Variants in SKA2 observed in about 807,000 individuals in gnomAD.
The protein encoded by SKA2 is spindle and kinetochore-associated protein 2.
Under a neutral mutation model 16.9 loss-of-function variants are expected in SKA2, and 13 were observed. The ratio of observed to expected loss-of-function variants is 0.77; its 90% CI spans 0.50 to 1.22. The LOEUF is 1.22. Among genes scored for constraint, SKA2 ranks in the 50% most tolerant of loss-of-function variants. The probability of loss-of-function intolerance (pLI) is 0.00; values close to 1 mark genes in which losing one functional copy is unlikely to be tolerated. For missense variants in SKA2, 107 were observed against 139.7 expected (o/e 0.77, Z 1.18); for synonymous variants, 47 against 48.5 (o/e 0.97, Z 0.13).
intron 2 of SKA2, among the ~76,000 whole-genome samples, chr17:59,127,842 A>G (rs2046382300): frequency 6.6e-6 from 1 of 152,210 alleles, no homozygotes; most frequent in African/African-American, 2.4e-5. Context: ...ATGTCCACAC[A>G]ACAACTTGTA....
chr17:59,119,247 T>G lies in SKA2; in HGVS notation c.297+72A>C, dbSNP rs547567803. On this transcript the variant is annotated intron_variant, in intron 3 of 3. Transcript: ENST00000330137. ...GCTGAGTTTCAAAATTTAAGTTACATCAGGTTTATTTTTCAAAGCAACACT... is the reference window on the plus strand; with the variant it reads ...GCTGAGTTTCAAAATTTAAGTTACAGCAGGTTTATTTTTCAAAGCAACACT... The G allele has an allele frequency of 7.1e-4, 1,082 of 1,516,676 alleles. 1 individual carries two copies. Among genetic ancestry groups the G allele is most frequent in the Middle Eastern group, 1.9e-3 (11 of 5,760 alleles). 94.0% of individuals were successfully genotyped at this position (1,516,676 alleles called of 1,614,324 possible).
intron 2 of SKA2, among the ~76,000 whole-genome samples, chr17:59,129,838 G>C (rs62081887): frequency 7.3e-5 from 10 of 137,402 alleles, no homozygotes; most frequent in Non-Finnish European, 9.3e-5. Flanking sequence ...CTGGATAACA[G>C]AAGGAAGGGA....
chr17:59,119,496 C>T lies in SKA2; in HGVS notation c.121-1G>A. The T allele has an allele frequency of 6.2e-7, 1 of 1,610,696 alleles. No individual in the cohort carries two copies. The highest frequency in any genetic ancestry group is 2.2e-5 in the East Asian group (1 of 44,840). On this transcript the variant is annotated splice_acceptor_variant, in intron 2 of 3. Transcript: ENST00000330137. LOFTEE classifies it high-confidence loss of function. The stretch of plus-strand genomic sequence containing the variant: ...CCTTTAAGAGTGTAACTGGATTTTT[C>T]TATGTCAGGAAAAAAGTGAACATGT...
chr17:59,128,318 A>G (rs2046385525), intron 2 of SKA2, among the ~76,000 whole-genome samples: 1 of 151,806 alleles, frequency 6.6e-6, no homozygotes, highest in South Asian at 2.1e-4. Context: ...TACAACATGG[A>G]TGAAACTTAG....
intron 3 of SKA2, among the ~76,000 whole-genome samples, chr17:59,115,633 G>A (rs951814933): frequency 1.3e-5 from 2 of 151,948 alleles, no homozygotes; most frequent in South Asian, 2.1e-4. Flanking sequence ...TCGTTCCATC[G>A]CCCAGGCTGG....
Position 59,109,867 on chromosome 17 carries a change from G to C in SKA2, c.*2410C>G, listed in dbSNP as rs1231775871. 1 of 152,138 alleles carries C rather than the reference G, an allele frequency of 6.6e-6. No individual in the cohort carries two copies. The highest frequency in any genetic ancestry group is 2.4e-5 in the African/African-American group (1 of 41,430). 9.4% of individuals were successfully genotyped at this position (152,138 alleles called of 1,614,324 possible). ...ATAAAGACACTATAGTCACATAGGA[G>C]AAAACAATTATAATCCAAATGAGAA... On this transcript the variant is annotated 3_prime_UTR_variant, in exon 4 of 4. Coordinates refer to ENST00000330137, the MANE Select transcript of SKA2 (RefSeq NM_182620.4).
intron 1 of SKA2, among the ~76,000 whole-genome samples, chr17:59,147,067 A>G (rs1429081986): frequency 1.3e-5 from 2 of 152,034 alleles, no homozygotes; most frequent in East Asian, 3.8e-4. Context: ...CTGAGGCAGA[A>G]GAATCGCTTG....
chr17:59,134,343 A>G (rs973892968), intron 1 of SKA2, among the ~76,000 whole-genome samples: 2 of 152,148 alleles, frequency 1.3e-5, no homozygotes, highest in Non-Finnish European at 2.9e-5. Context: ...CTTAAGCACA[A>G]CTTTAAATAC....
At chr17:59,140,169 T>C (rs1249220689) in intron 1 of SKA2, among the ~76,000 whole-genome samples, 3 of 151,842 alleles carry the variant, frequency 2.0e-5, no homozygotes, top group Admixed American at 1.3e-4. Flanking sequence ...TTTCAGGCAA[T>C]TGGCAACCAG....
At chr17:59,154,985 G>A (rs1451066335) in intron 1 of SKA2, 146 bp downstream of exon 1, 1 of 1,613,838 alleles carries the variant, frequency 6.2e-7, no homozygotes, top group African/African-American at 1.3e-5. Flanking sequence ...AGACGGTGGC[G>A]GCTCCCTTTG....
intron 2 of SKA2, among the ~76,000 whole-genome samples, chr17:59,128,619 C>T (rs1443006772): frequency 6.3e-5 from 9 of 143,692 alleles, no homozygotes; most frequent in African/African-American, 1.6e-4. Flanking sequence ...GAGCGAGACT[C>T]GGTCTCAAAA....
At chr17:59,137,059 C>A (rs1328868037) in intron 1 of SKA2, among the ~76,000 whole-genome samples, 1 of 151,894 alleles carries the variant, frequency 6.6e-6, no homozygotes, top group South Asian at 2.1e-4. Flanking sequence ...GTTGCCCAGG[C>A]GAGTGCAGTG....
intron 3 of SKA2, among the ~76,000 whole-genome samples, chr17:59,113,142 G>C (rs539898452): frequency 1.3e-5 from 2 of 152,002 alleles, no homozygotes; most frequent in African/African-American, 4.8e-5. Context: ...AGGATCACTT[G>C]AGCCTGGGAG....
In SKA2 at chr17:59,110,215, A is replaced by G. The variant is rs1229247023; in HGVS notation, c.*2062T>C. 3 of 152,326 alleles carry G rather than the reference A, an allele frequency of 2.0e-5. No homozygotes were observed. In the South Asian group the frequency reaches 6.2e-4, roughly 32 times the overall value. 9.4% of individuals were successfully genotyped at this position (152,326 alleles called of 1,614,324 possible). A position where few individuals can be genotyped will look rare whatever the true frequency, so the allele number is the denominator to read the frequency against. On this transcript the variant is annotated 3_prime_UTR_variant, in exon 4 of 4. Coordinates refer to ENST00000330137, the MANE Select transcript of SKA2 (RefSeq NM_182620.4). Reference sequence around the variant, plus strand: ...ATGTATTGAGAAGTGCATAGAGAACAATGTTAAGGGGGCTGTGGGGAAAAA... The same window carrying G: ...ATGTATTGAGAAGTGCATAGAGAACGATGTTAAGGGGGCTGTGGGGAAAAA...
At chr17:59,146,770 T>C (rs918051972) in intron 1 of SKA2, among the ~76,000 whole-genome samples, 11 of 152,090 alleles carry the variant, frequency 7.2e-5, no homozygotes, top group Middle Eastern at 3.2e-3. Context: ...GCTCAAATGA[T>C]CCTCCTGCCA....
intron 1 of SKA2, among the ~76,000 whole-genome samples, chr17:59,150,413 T>C (rs1203319436): frequency 6.6e-6 from 1 of 152,138 alleles, no homozygotes. Flanking sequence ...TTCAACCATT[T>C]CCTAGACAAT....
chr17:59,126,775 G>C (rs1016281173), intron 2 of SKA2, among the ~76,000 whole-genome samples: 3 of 152,160 alleles, frequency 2.0e-5, no homozygotes, highest in African/African-American at 7.2e-5. Context: ...GTATAAACCC[G>C]AAAGTTGAAA....
At chr17:59,134,057 C>A (rs1357537587) in intron 1 of SKA2, among the ~76,000 whole-genome samples, 1 of 152,110 alleles carries the variant, frequency 6.6e-6, no homozygotes, top group African/African-American at 2.4e-5. Context: ...AATTACAACT[C>A]CTTAAAAATA....
At chr17:59,148,503 G>A (rs979818994) in intron 1 of SKA2, among the ~76,000 whole-genome samples, 1 of 151,908 alleles carries the variant, frequency 6.6e-6, no homozygotes. Flanking sequence ...CTGCAGCCTC[G>A]ACCTCCCCAG....
Sources: allele counts gnomAD v4.1 joint callset (sites outside exome capture counted in the v4.1 genomes callset), GRCh38; gene constraint gnomAD v4.1.1; transcripts MANE v1.5; gene names NCBI Gene and HGNC (gene_info 2026-07-23, HGNC 2026-07-21).